The following TMEM267 variants were observed in gnomAD, a reference collection of about 807,000 sequenced individuals.
The protein encoded by TMEM267 is transmembrane protein C5orf28.
Under a neutral mutation model 19.3 loss-of-function variants are expected in TMEM267, and 20 were observed. That is an observed-to-expected ratio of 1.04 (90% CI 0.73 to 1.51). The LOEUF (loss-of-function observed/expected upper bound fraction) is 1.51. Ranked by LOEUF, TMEM267 falls within the 40% of genes most tolerant of loss-of-function variation. The pLI, the probability that TMEM267 is intolerant of heterozygous loss-of-function variation, is 0.00. For missense variants in TMEM267, 242 were observed against 261.9 expected, an observed-to-expected ratio of 0.92 and a Z score of 0.52; for synonymous variants, 88 against 90.3, an observed-to-expected ratio of 0.97 and a Z score of 0.15.
upstream of TMEM267, chr5:43,484,337 C>T (rs1468228533): frequency 6.6e-6 from 1 of 152,246 alleles, no homozygotes; most frequent in Non-Finnish European, 1.5e-5. Context: ...CCGCGAAGCC[C>T]TCAGGGTGGG....
chr5:43,453,343 A>G (rs1642080811), intron 2 of TMEM267, among the ~76,000 whole-genome samples: 1 of 152,228 alleles, frequency 6.6e-6, no homozygotes, highest in Non-Finnish European at 1.5e-5. Context: ...CACCCCTGTT[A>G]ATTTAAACCG....
chr5:43,460,931 G>T (rs1349054523), intron 1 of TMEM267, among the ~76,000 whole-genome samples: 1 of 152,196 alleles, frequency 6.6e-6, no homozygotes, highest in Admixed American at 6.5e-5. Context: ...TCCTAGAGCT[G>T]AACTAGGCCC....
At chr5:43,481,918 C>A (rs1483958300) in intron 1 of TMEM267, among the ~76,000 whole-genome samples, 1 of 152,212 alleles carries the variant, frequency 6.6e-6, no homozygotes, top group Non-Finnish European at 1.5e-5. Flanking sequence ...TCTCGGCTCA[C>A]TGCAAGCTCC....
intron 1 of TMEM267, among the ~76,000 whole-genome samples, chr5:43,464,723 T>G (rs1288081252): frequency 6.6e-6 from 1 of 152,244 alleles, no homozygotes; most frequent in African/African-American, 2.4e-5. Context: ...CCCTATTTAA[T>G]AAATGGTGCT....
intron 1 of TMEM267, among the ~76,000 whole-genome samples, chr5:43,460,876 C>T (rs1452548054): frequency 3.3e-5 from 5 of 152,202 alleles, no homozygotes; most frequent in Non-Finnish European, 7.3e-5. Flanking sequence ...TCCAGGTAAA[C>T]TTGAAAGGCA....
intron 1 of TMEM267, among the ~76,000 whole-genome samples, chr5:43,468,367 C>A (rs1301271057): frequency 2.0e-5 from 3 of 152,002 alleles, no homozygotes; most frequent in African/African-American, 7.2e-5. Flanking sequence ...TCAGCTTGCA[C>A]AAGTTAAGTC....
chr5:43,483,193 T>A (rs1288453963), intron 1 of TMEM267, among the ~76,000 whole-genome samples: 1 of 152,242 alleles, frequency 6.6e-6, no homozygotes, highest in Non-Finnish European at 1.5e-5. Context: ...TCACTGAAAC[T>A]TTTTATAGCC....
At chr5:43,454,215 T>C (rs900298415) in intron 1 of TMEM267, among the ~76,000 whole-genome samples, 172 bp from the exon 2 acceptor site, 1 of 151,398 alleles carries the variant, frequency 6.6e-6, no homozygotes, top group African/African-American at 2.4e-5. Flanking sequence ...TAGATTTTTT[T>C]TTTTTTTTTT....
At chr5:43,449,234 T>C (rs193104662) in intron 2 of TMEM267, among the ~76,000 whole-genome samples, 5 of 151,752 alleles carry the variant, frequency 3.3e-5, no homozygotes, top group Non-Finnish European at 4.4e-5. Flanking sequence ...ATCACACCAC[T>C]GCACCCCAAA....
intron 1 of TMEM267, among the ~76,000 whole-genome samples, chr5:43,480,638 T>C (rs1046418891): frequency 2.0e-5 from 3 of 151,712 alleles, no homozygotes; most frequent in African/African-American, 4.8e-5. Flanking sequence ...ACAAATTTAT[T>C]TTCAACCCTC....
At chr5:43,462,307 A>C (rs2112103549) in intron 1 of TMEM267, among the ~76,000 whole-genome samples, 2 of 152,306 alleles carry the variant, frequency 1.3e-5, no homozygotes, top group African/African-American at 4.8e-5. Context: ...CCTTCCCAAG[A>C]AGGACGGGTA....
In TMEM267 at chr5:43,466,972, A is replaced by C. The variant is rs4549534; in HGVS notation, c.-74-12929T>G. On this transcript the variant is annotated intron_variant, in intron 1 of 2. Coordinates refer to ENST00000397080, the MANE Select transcript of TMEM267 (RefSeq NM_022483.5). Reference sequence around the variant, plus strand: ...GAGAGTAGCCTAGCCAACATGATGAAATCCTGTCTCTACTAAAAATATAAA... The same window carrying C: ...GAGAGTAGCCTAGCCAACATGATGACATCCTGTCTCTACTAAAAATATAAA... 4.8e-3 allele frequency among the ~76,000 whole-genome samples: 725 copies of C among 152,064 alleles called. 9 individuals are homozygous for C. The highest frequency in any genetic ancestry group is 0.017 in the African/African-American group (693 of 41,470).
At chr5:43,448,784 A>AC (rs3030116) in intron 2 of TMEM267, among the ~76,000 whole-genome samples, 2,162 of 143,466 alleles carry the variant, frequency 0.015, 22 homozygotes, top group East Asian at 0.071. Context: ...CTAAAAAACA[A>AC]CCCCCCCCCA....
chr5:43,467,072 C>T (rs1743773746), intron 1 of TMEM267, among the ~76,000 whole-genome samples: 1 of 147,020 alleles, frequency 6.8e-6, no homozygotes, highest in African/African-American at 2.5e-5. Context: ...TTGCTTGAAC[C>T]TGGGAAGTGG....
intron 1 of TMEM267, among the ~76,000 whole-genome samples, chr5:43,458,317 G>T (rs1459576088): frequency 1.3e-5 from 2 of 152,086 alleles, no homozygotes; most frequent in Non-Finnish European, 2.9e-5. Context: ...GCCCAGGCTG[G>T]TCTGCAGCTC....
At chr5:43,482,571 A>G (rs978363737) in intron 1 of TMEM267, among the ~76,000 whole-genome samples, 3 of 152,234 alleles carry the variant, frequency 2.0e-5, no homozygotes, top group Non-Finnish European at 4.4e-5. Flanking sequence ...TGCTCAAGGT[A>G]TTTAATAAAT....
At chr5:43,452,310 C>T (rs892220100) in intron 2 of TMEM267, among the ~76,000 whole-genome samples, 3 of 151,908 alleles carry the variant, frequency 2.0e-5, no homozygotes, top group Admixed American at 1.3e-4. Context: ...ATGGATGGAA[C>T]TGGAGGCCAT....
chr5:43,479,186 A>G (rs940704639), intron 1 of TMEM267, among the ~76,000 whole-genome samples: 1 of 152,010 alleles, frequency 6.6e-6, no homozygotes, highest in African/African-American at 2.4e-5. Flanking sequence ...AAATAGAAAG[A>G]TGTTCATTAA....
At chr5:43,458,017 C>T (rs1350444075) in intron 1 of TMEM267, among the ~76,000 whole-genome samples, 3 of 152,086 alleles carry the variant, frequency 2.0e-5, no homozygotes, top group African/African-American at 7.2e-5. Flanking sequence ...TCCCACCTCA[C>T]CTCCTGAGTA....
Sources: allele counts gnomAD v4.1 joint callset (sites outside exome capture counted in the v4.1 genomes callset), GRCh38; gene constraint gnomAD v4.1.1; transcripts MANE v1.5; gene names NCBI Gene and HGNC (gene_info 2026-07-23, HGNC 2026-07-21).